The following CCDC171 variants were observed in gnomAD, a reference collection of about 807,000 sequenced individuals.
CCDC171 encodes the protein coiled-coil domain-containing protein 171.
In CCDC171, 177 loss-of-function variants were observed where a neutral mutation model predicts 168.2. The observed-to-expected ratio is 1.05, with a 90% CI of 0.93 to 1.19. The LOEUF is 1.19. Among genes scored for constraint, CCDC171 ranks in the 50% most tolerant of loss-of-function variants. The pLI, the probability that CCDC171 is intolerant of heterozygous loss-of-function variation, is 0.00. For missense variants in CCDC171, 1,991 were observed against 1,539.0 expected, an observed-to-expected ratio of 1.29 and a Z score of -4.91; for synonymous variants, 687 against 540.8, an observed-to-expected ratio of 1.27 and a Z score of -3.75.
chr9:16,062,430 G>T (rs920478200), downstream of CCDC171, among the ~76,000 whole-genome samples: 4 of 152,118 alleles, frequency 2.6e-5, no homozygotes, highest in Non-Finnish European at 5.9e-5. Flanking sequence ...GGAAAGGATT[G>T]AAAAACTACC....
rs1432453522 is a variant in CCDC171, at chr9:15,610,469, A to AAAAAAAAAAAAAAAAC, written c.676-12786_676-12785insAAACAAAAAAAAAAAA. On this transcript the variant is annotated intron_variant, in intron 6 of 25. Coordinates refer to ENST00000380701, the MANE Select transcript of CCDC171 (RefSeq NM_173550.4). ...TAAAAAAAAAAAAAAAAAAAAAAAA[A>AAAAAAAAAAAAAAAAC]AAAAAAAAAAAACTGGGCGTGGTGG... Among the ~76,000 whole-genome samples the AAAAAAAAAAAAAAAAC allele has an allele frequency of 2.4e-4, 33 of 136,362 alleles. 2 individuals carry two copies. Among genetic ancestry groups the AAAAAAAAAAAAAAAAC allele is most frequent in the Non-Finnish European group, 4.5e-4 (28 of 62,056 alleles). The allele number at this position is 136,362 out of a possible 152,430, so 89.5% of individuals were successfully genotyped here.
chr9:16,027,372 C>T (rs963828912), intron 6 of CCDC171, among the ~76,000 whole-genome samples: 2 of 147,366 alleles, frequency 1.4e-5, no homozygotes, highest in African/African-American at 4.9e-5. Flanking sequence ...AAAGGAACAC[C>T]CAAGCTTATG....
At chr9:15,621,373 T>G (rs1587473876) in intron 6 of CCDC171, among the ~76,000 whole-genome samples, 1 of 152,250 alleles carries the variant, frequency 6.6e-6, no homozygotes, top group East Asian at 1.9e-4. Flanking sequence ...TTGCAATTTT[T>G]TGGAAACCAA....
rs114059727 is a variant in CCDC171 at position 15,996,106 on chromosome 9, A to G, written n.369-24483A>G. The stretch of plus-strand genomic sequence containing the variant: ...TCTCCAACAATTGACTTTCTGTGCT[A>G]TAGGTAAACATAAATGATTCCTCTT... On this transcript the variant is annotated intron_variant and non_coding_transcript_variant, in intron 3 of 9. Coordinates refer to the CCDC171 transcript ENST00000486641. Among the ~76,000 whole-genome samples the G allele has an allele frequency of 1.5e-3, 222 of 152,340 alleles. 1 individual carries two copies. The highest frequency in any genetic ancestry group is 5.2e-3 in the African/African-American group (217 of 41,576).
At chr9:16,073,853 T>C in the CCDC171 span, among the ~76,000 whole-genome samples, 1 of 152,226 alleles carries the variant, frequency 6.6e-6, no homozygotes, top group African/African-American at 2.4e-5. Context: ...TCTAATTACC[T>C]GTCTGAGGTG....
At chr9:15,565,660 T>A (rs1483680716) in intron 2 of CCDC171, among the ~76,000 whole-genome samples, 1 of 152,254 alleles carries the variant, frequency 6.6e-6, no homozygotes, top group African/African-American at 2.4e-5. Flanking sequence ...GGCATATTCC[T>A]GAGTTTTGTA....
chr9:15,856,664 C>G (rs1215335635), intron 23 of CCDC171, among the ~76,000 whole-genome samples: 1 of 151,954 alleles, frequency 6.6e-6, no homozygotes, highest in Admixed American at 6.6e-5. Context: ...CTGAAGTGAA[C>G]TTGGGAGTGT....
chr9:15,835,286 T>G (rs980391647), intron 21 of CCDC171, among the ~76,000 whole-genome samples: 4 of 152,242 alleles, frequency 2.6e-5, no homozygotes, highest in African/African-American at 9.6e-5. Context: ...ATTTACCATT[T>G]GATAAAATGT....
the CCDC171 span, among the ~76,000 whole-genome samples, chr9:16,106,209 G>T: frequency 1.3e-5 from 2 of 152,294 alleles, no homozygotes; most frequent in East Asian, 1.9e-4. Flanking sequence ...GGCCAGAAAG[G>T]CTCCATGTTT....
chr9:15,613,669 TGC>T (rs1263920694), intron 6 of CCDC171, among the ~76,000 whole-genome samples: 1 of 152,002 alleles, frequency 6.6e-6, no homozygotes, highest in African/African-American at 2.4e-5. Flanking sequence ...ATTACAGGCA[TGC>T]GCCACCATGC....
At chr9:15,590,769 TTCTCTTTCTTTCTTTCTTTC>T (rs2041922576) in intron 4 of CCDC171, among the ~76,000 whole-genome samples, 1 of 104,590 alleles carries the variant, frequency 9.6e-6, no homozygotes, top group Non-Finnish European at 2.0e-5. Flanking sequence ...CTTTCTTTCT[TTCTCTTTCTTTCTTTCTTTC>T]TTTCTTTCTT....
intron 4 of CCDC171, among the ~76,000 whole-genome samples, chr9:15,580,484 T>A (rs181082723): frequency 1.3e-5 from 2 of 152,240 alleles, no homozygotes; most frequent in Admixed American, 1.3e-4. Context: ...AAACTATGCA[T>A]CTGACAAAGG....
chr9:15,855,501 C>G (rs957407081), intron 23 of CCDC171, among the ~76,000 whole-genome samples: 3 of 151,722 alleles, frequency 2.0e-5, no homozygotes, highest in African/African-American at 7.3e-5. Context: ...ATTCATTTTG[C>G]TAACTTCTGA....
chr9:15,834,130 C>T (rs1381910385), intron 21 of CCDC171, among the ~76,000 whole-genome samples: 4 of 152,042 alleles, frequency 2.6e-5, no homozygotes, highest in African/African-American at 9.7e-5. Flanking sequence ...AATTTGTTCA[C>T]TTTTTGATCA....
At chr9:15,905,610 G>A (rs1455039095) in intron 24 of CCDC171, among the ~76,000 whole-genome samples, 2 of 152,080 alleles carry the variant, frequency 1.3e-5, no homozygotes, top group Non-Finnish European at 2.9e-5. Flanking sequence ...ACAATTAAAA[G>A]AACTAGAGAA....
intron 11 of CCDC171, among the ~76,000 whole-genome samples, chr9:15,708,504 T>C (rs984956237): frequency 2.6e-5 from 4 of 152,202 alleles, no homozygotes; most frequent in African/African-American, 7.2e-5. Context: ...AAGCTATCTT[T>C]CTACTGTGTA....
At chr9:16,070,798 A>T in the CCDC171 span, among the ~76,000 whole-genome samples, 1 of 151,612 alleles carries the variant, frequency 6.6e-6, no homozygotes, top group Non-Finnish European at 1.5e-5. Context: ...TCCTGGACCC[A>T]CTCTCCACCT....
intron 6 of CCDC171, among the ~76,000 whole-genome samples, chr9:15,622,029 A>C (rs192778543): frequency 1.6e-4 from 24 of 152,332 alleles, no homozygotes; most frequent in African/African-American, 5.5e-4. Context: ...CTAACACAGG[A>C]ACAGAAAACC....
intron 24 of CCDC171, among the ~76,000 whole-genome samples, chr9:15,896,078 A>G (rs1394022423): frequency 6.6e-6 from 1 of 151,858 alleles, no homozygotes; most frequent in East Asian, 1.9e-4. Context: ...GTTTTTTTCT[A>G]TGTAATTGTC....
Sources: gnomAD v4.1 joint callset for allele counts (sites outside exome capture counted in the v4.1 genomes callset) on GRCh38, gnomAD v4.1.1 for gene constraint, MANE v1.5 for transcripts, NCBI Gene and HGNC (gene_info 2026-07-23, HGNC 2026-07-21) for gene names.